The following KIRREL3 variants were observed in gnomAD, a reference collection of about 807,000 sequenced individuals.
The protein encoded by KIRREL3 is kirre like nephrin family adhesion molecule 3.
Under a neutral mutation model 89.7 loss-of-function variants are expected in KIRREL3, and 36 were observed. The ratio of observed to expected loss-of-function variants is 0.40; its 90% CI spans 0.31 to 0.53. The LOEUF (loss-of-function observed/expected upper bound fraction) is 0.53, where lower values mean the gene tolerates loss of function less well. KIRREL3 is among the 20% of genes least tolerant of loss of function. The pLI is 0.49. For missense variants in KIRREL3, 864 were observed against 1,056.6 expected, an observed-to-expected ratio of 0.82 and a Z score of 2.53; for synonymous variants, 445 against 441.4, an observed-to-expected ratio of 1.01 and a Z score of -0.10.
chr11:126,927,678 T>G (rs1015942974), intron 1 of KIRREL3, among the ~76,000 whole-genome samples: 2 of 152,188 alleles, frequency 1.3e-5, no homozygotes, highest in African/African-American at 4.8e-5. Flanking sequence ...TCTTCCCTCC[T>G]CCCTCTGTCT....
rs997322398 is a variant in KIRREL3 at position 126,541,842 on chromosome 11, G to A, written c.134-15155C>T. On this transcript the variant is annotated intron_variant, in intron 2 of 16. Transcript: ENST00000525144. The surrounding 1 kb of genome is among the most constrained non-coding windows in gnomAD (Gnocchi z 4.8). ...TTGATTAAGTGGCTGTCTCTCTCTC[G>A]GGGTGCGCATTGATGTTCCCACTGC... Among the ~76,000 whole-genome samples the A allele has an allele frequency of 9.9e-5, 15 of 152,124 alleles. No homozygotes were observed. The highest frequency in any genetic ancestry group is 2.7e-4 in the African/African-American group (11 of 41,426).
At chr11:126,630,165 T>C (rs571548230) in intron 1 of KIRREL3, among the ~76,000 whole-genome samples, 1 of 152,202 alleles carries the variant, frequency 6.6e-6, no homozygotes, top group Non-Finnish European at 1.5e-5. Context: ...GAAAAGTGCT[T>C]GTGAATTTGT....
intron 1 of KIRREL3, among the ~76,000 whole-genome samples, chr11:126,986,214 T>C (rs1436022372): frequency 2.0e-5 from 3 of 152,084 alleles, no homozygotes; most frequent in African/African-American, 4.8e-5. Flanking sequence ...CATTGGTGAG[T>C]TGGGTTGAAA....
At chr11:126,457,147 T>C (rs76985298) in intron 6 of KIRREL3, among the ~76,000 whole-genome samples, 12,129 of 146,452 alleles carry the variant, frequency 0.083, 1,687 homozygotes, top group African/African-American at 0.28. Flanking sequence ...GACATGTACA[T>C]AGAGGAGAGA....
At chr11:126,858,130 C>G (rs1460647554) in intron 1 of KIRREL3, among the ~76,000 whole-genome samples, 3 of 152,174 alleles carry the variant, frequency 2.0e-5, no homozygotes, top group African/African-American at 7.2e-5. Context: ...TGCTGGGAAG[C>G]AATTTGGTCC....
Position 126,695,447 on chromosome 11 carries a change from G to T in KIRREL3, c.56-132535C>A, listed in dbSNP as rs118181285. Among the ~76,000 whole-genome samples the T allele has an allele frequency of 1.6e-4, 24 of 145,766 alleles. 1 individual carries two copies. The East Asian group carries it at 4.8e-3, about 29-fold the overall frequency. ...AAAAAAAAAAGAGTCTCTAAGTCAC[G>T]TGGCATCTGAGCTCCATGTGATTGG... is the stretch of plus-strand genomic sequence containing the variant. On this transcript the variant is annotated intron_variant, in intron 1 of 16. Coordinates refer to ENST00000525144, the MANE Select transcript of KIRREL3 (RefSeq NM_032531.4).
At chr11:126,730,745 T>C (rs2134193896) in intron 1 of KIRREL3, among the ~76,000 whole-genome samples, 1 of 152,260 alleles carries the variant, frequency 6.6e-6, no homozygotes, top group South Asian at 2.1e-4. Context: ...CTTTTTCTTT[T>C]TTTTTGTTTT....
At chr11:126,974,134 A>G (rs1949505354) in intron 1 of KIRREL3, among the ~76,000 whole-genome samples, 1 of 152,186 alleles carries the variant, frequency 6.6e-6, no homozygotes, top group African/African-American at 2.4e-5. Flanking sequence ...CATCTCCACA[A>G]GTAAAACATT....
In KIRREL3 at chr11:126,611,361, A is replaced by G. The variant is rs570130; in HGVS notation, c.56-48449T>C. Among the ~76,000 whole-genome samples the G allele has an allele frequency of 0.34, 51,899 of 151,982 alleles. 9,641 individuals are homozygous for G. Among genetic ancestry groups the G allele is most frequent in the African/African-American group, 0.48 (19,832 of 41,438 alleles). ...TTTTGAGAGATCATGACTTTTGTAG[A>G]ACTAGGCTGCTTTCACTCTTTGAGG... On this transcript the variant is annotated intron_variant, in intron 1 of 16. Coordinates refer to ENST00000525144, the MANE Select transcript of KIRREL3 (RefSeq NM_032531.4). The surrounding 1 kb of genome is among the most constrained non-coding windows in gnomAD (Gnocchi z 4.7).
chr11:126,487,018 A>G (rs1957381455), intron 4 of KIRREL3, among the ~76,000 whole-genome samples: 1 of 152,234 alleles, frequency 6.6e-6, no homozygotes, highest in Non-Finnish European at 1.5e-5. Context: ...GAGGCCAGGT[A>G]GAAATCCTGC....
At chr11:126,450,869 GCATGTGTGC>G (rs1956057616) in intron 7 of KIRREL3, among the ~76,000 whole-genome samples, 1 of 146,944 alleles carries the variant, frequency 6.8e-6, no homozygotes, top group African/African-American at 2.6e-5. Flanking sequence ...ACGTGTGTGT[GCATGTGTGC>G]ATGTGTGCAT....
At chr11:126,914,516 T>C (rs1052921808) in intron 1 of KIRREL3, among the ~76,000 whole-genome samples, 1 of 152,222 alleles carries the variant, frequency 6.6e-6, no homozygotes, top group African/African-American at 2.4e-5. Context: ...CTGGCTGGGA[T>C]GGCCTACAAG....
At chr11:126,437,909 ACACAC>A (rs751469002) in intron 11 of KIRREL3, among the ~76,000 whole-genome samples, 5 of 152,172 alleles carry the variant, frequency 3.3e-5, no homozygotes, top group Non-Finnish European at 7.3e-5. Context: ...ATGTGCTCAC[ACACAC>A]AAGTACACAC....
At chr11:126,743,484 G>A (rs941439232) in intron 1 of KIRREL3, among the ~76,000 whole-genome samples, 2 of 152,218 alleles carry the variant, frequency 1.3e-5, no homozygotes, top group African/African-American at 4.8e-5. Context: ...TGGGCTCTGT[G>A]TTAGGTACTG....
At chr11:126,692,113 G>T (rs868067013) in intron 1 of KIRREL3, among the ~76,000 whole-genome samples, 12 of 152,082 alleles carry the variant, frequency 7.9e-5, no homozygotes, top group Non-Finnish European at 1.2e-4. Flanking sequence ...CACAATGAAG[G>T]TTCCTTAAAA....
intron 1 of KIRREL3, among the ~76,000 whole-genome samples, chr11:126,934,471 T>C (rs1473985308): frequency 6.6e-6 from 1 of 152,160 alleles, no homozygotes; most frequent in African/African-American, 2.4e-5. Context: ...ATTAAAAATT[T>C]CTGCATTTGA....
Position 126,636,759 on chromosome 11 carries a change from G to A in KIRREL3, c.56-73847C>T, listed in dbSNP as rs1314621659. Among the ~76,000 whole-genome samples, 1 of 152,178 alleles carries A rather than the reference G, an allele frequency of 6.6e-6. No individual in the cohort carries two copies. The highest frequency in any genetic ancestry group is 1.5e-5 in the Non-Finnish European group (1 of 68,032). ...CCTTTGTACCACCTCAGAACAGCAG[G>A]GGATGCAGCAATAATGCCAACTAGG... On this transcript the variant is annotated intron_variant, in intron 1 of 16. Transcript: ENST00000525144. This position sits in a 1 kb window ranked among gnomAD's most constrained non-coding sequence, Gnocchi z 4.4.
chr11:126,654,101 T>C (rs1945022926), intron 1 of KIRREL3, among the ~76,000 whole-genome samples: 1 of 152,198 alleles, frequency 6.6e-6, no homozygotes, highest in Non-Finnish European at 1.5e-5. Context: ...AATTTCTACT[T>C]TGAGAATCAG....
rs1022137810 is a variant in KIRREL3 at position 126,769,186 on chromosome 11, C to A, written c.56-206274G>T. Among the ~76,000 whole-genome samples, 12 of 152,294 alleles carry A rather than the reference C, an allele frequency of 7.9e-5. No homozygotes were observed. Among genetic ancestry groups the A allele is most frequent in the South Asian group, 2.1e-4 (1 of 4,824 alleles). On this transcript the variant is annotated intron_variant, in intron 1 of 16. Transcript: ENST00000525144. This position sits in a 1 kb window ranked among gnomAD's most constrained non-coding sequence, Gnocchi z 4.3. Reference sequence around the variant, plus strand: ...TGCCAGTCACTGCTTTCCCTTCCTCCTACGCTTTCAACACATCTCTAATAT... The same window carrying A: ...TGCCAGTCACTGCTTTCCCTTCCTCATACGCTTTCAACACATCTCTAATAT...
Sources: allele counts gnomAD v4.1 joint callset (sites outside exome capture counted in the v4.1 genomes callset), GRCh38; gene constraint gnomAD v4.1.1; non-coding constraint Gnocchi (gnomAD v3.1); transcripts MANE v1.5; gene names NCBI Gene and HGNC (gene_info 2026-07-23, HGNC 2026-07-21).